The following ENTHD1 variants were observed in gnomAD, a reference collection of about 807,000 sequenced individuals.
The protein encoded by ENTHD1 is ENTH domain-containing protein 1.
In ENTHD1, 23 loss-of-function variants were observed where a neutral mutation model predicts 39.1. The observed-to-expected ratio is 0.59, with a 90% CI of 0.42 to 0.83. ENTHD1 has a LOEUF of 0.83. ENTHD1 is among the 40% of genes least tolerant of loss of function. The pLI is 0.00. For missense variants in ENTHD1, 624 were observed against 705.4 expected (o/e 0.88, Z 1.31); for synonymous variants, 230 against 258.2 (o/e 0.89, Z 1.05).
intron 5 of ENTHD1, among the ~76,000 whole-genome samples, chr22:39,804,571 T>C (rs954262905): frequency 6.6e-6 from 1 of 152,288 alleles, no homozygotes; most frequent in Middle Eastern, 3.4e-3. Context: ...ATTACCAATT[T>C]CTGATTCATC....
chr22:39,851,386 A>C (rs1264748987), intron 3 of ENTHD1, among the ~76,000 whole-genome samples: 1 of 152,108 alleles, frequency 6.6e-6, no homozygotes, highest in Non-Finnish European at 1.5e-5. Context: ...TAATCTCTTG[A>C]TAACTGGTGA....
chr22:39,755,155 T>C (rs1403385079), intron 6 of ENTHD1, among the ~76,000 whole-genome samples: 3 of 152,226 alleles, frequency 2.0e-5, no homozygotes, highest in East Asian at 1.9e-4. Flanking sequence ...GAAATATTAA[T>C]ATATTAAATA....
At chr22:39,863,828 T>C (rs528181950) in intron 2 of ENTHD1, among the ~76,000 whole-genome samples, 62 of 152,362 alleles carry the variant, frequency 4.1e-4, no homozygotes, top group Non-Finnish European at 7.6e-4. Flanking sequence ...TAGATGACAG[T>C]GGCCAACGAT....
intron 2 of ENTHD1, among the ~76,000 whole-genome samples, chr22:39,882,130 T>C (rs1243305143): frequency 6.6e-6 from 1 of 152,240 alleles, no homozygotes; most frequent in Admixed American, 6.5e-5. Flanking sequence ...GACTTCCATT[T>C]GATAAAAATT....
chr22:39,765,282 T>C lies in ENTHD1; in HGVS notation c.1160A>G (p.Gln387Arg). The C allele has an allele frequency of 6.2e-7, 1 of 1,613,770 alleles. No individual in the cohort carries two copies. The highest frequency in any genetic ancestry group is 8.5e-7 in the Non-Finnish European group (1 of 1,179,972). Residue 387 changes from glutamine to arginine, a missense_variant, in exon 6 of 7, where the codon CAG becomes CGG. Coordinates refer to ENST00000325157, the MANE Select transcript of ENTHD1 (RefSeq NM_152512.4). ...VKEIVINKAY[Q>R]KPAQSSIQMD... is the part of the protein sequence containing the mutation. ...CTGAATGCTGGATTGTGCTGGTTTC[T>C]GGTAGGCCTTGTTGATTACAATCTC...
intron 3 of ENTHD1, among the ~76,000 whole-genome samples, chr22:39,855,752 T>G (rs1462581585): frequency 2.6e-5 from 4 of 152,162 alleles, no homozygotes; most frequent in Admixed American, 2.6e-4. Flanking sequence ...ACGCTGAGTT[T>G]GGTGGAGCAA....
At chr22:39,818,985 GATAA>G (rs896729551) in intron 5 of ENTHD1, among the ~76,000 whole-genome samples, 11 of 152,122 alleles carry the variant, frequency 7.2e-5, no homozygotes, top group Non-Finnish European at 1.5e-4. Context: ...TAGGTGAATG[GATAA>G]ATAAACTGTG....
At position 39,887,890 on chromosome 22, in the gene ENTHD1, A is replaced by G; in HGVS notation, c.-142T>C. 1 of 584,098 alleles carries G rather than the reference A, an allele frequency of 1.7e-6. No homozygotes were observed. The highest frequency in any genetic ancestry group is 2.8e-6 in the Non-Finnish European group (1 of 356,620). 36.2% of individuals were successfully genotyped at this position (584,098 alleles called of 1,614,324 possible). ...ACAAATAATTAATCTCTATGTTGAT[A>G]AAGTATCAATTTCCTGCAAGGAAAG... On this transcript the variant is annotated 5_prime_UTR_variant, in exon 2 of 7. Transcript: ENST00000325157.
chr22:39,802,820 G>C (rs1409100620), intron 5 of ENTHD1, among the ~76,000 whole-genome samples: 5 of 152,160 alleles, frequency 3.3e-5, no homozygotes, highest in Non-Finnish European at 7.3e-5. Context: ...ACTTCTCAGA[G>C]GCAGAACACT....
chr22:39,793,056 T>C (rs1410888106), intron 5 of ENTHD1, among the ~76,000 whole-genome samples: 2 of 152,204 alleles, frequency 1.3e-5, no homozygotes, highest in Non-Finnish European at 2.9e-5. Flanking sequence ...ACCAATAGTA[T>C]ATGAGGATTC....
At chr22:39,822,217 G>T (rs1267930535) in intron 4 of ENTHD1, among the ~76,000 whole-genome samples, 1 of 151,440 alleles carries the variant, frequency 6.6e-6, no homozygotes, top group East Asian at 1.9e-4. Flanking sequence ...GTGAACTAGG[G>T]ATAATTTTTC....
At chr22:39,767,839 A>T (rs1219544221) in intron 5 of ENTHD1, among the ~76,000 whole-genome samples, 1 of 152,212 alleles carries the variant, frequency 6.6e-6, no homozygotes, top group Non-Finnish European at 1.5e-5. Flanking sequence ...TTTAAAATGA[A>T]ACAAATGAAC....
rs538999798 is a variant in ENTHD1, at chr22:39,771,699, A to G, written c.833-6090T>C. 9.2e-5 allele frequency among the ~76,000 whole-genome samples: 14 copies of G among 152,250 alleles called. 1 individual carries two copies. The South Asian group carries it at 2.7e-3, about 29-fold the overall frequency. ...TAGCAGAATGACACCATTTTTTTTAATGCTGAAAAAAAACTGTCAATGCAG... is the reference window on the plus strand; with the variant it reads ...TAGCAGAATGACACCATTTTTTTTAGTGCTGAAAAAAAACTGTCAATGCAG... On this transcript the variant is annotated intron_variant, in intron 5 of 6. Coordinates refer to ENST00000325157, the MANE Select transcript of ENTHD1 (RefSeq NM_152512.4).
intron 2 of ENTHD1, among the ~76,000 whole-genome samples, chr22:39,873,648 A>C (rs1360360155): frequency 1.3e-5 from 2 of 152,196 alleles, no homozygotes; most frequent in African/African-American, 2.4e-5. Flanking sequence ...ATTTTTCATA[A>C]GATGCTTTAA....
chr22:39,771,068 T>C (rs1376599300), intron 5 of ENTHD1, among the ~76,000 whole-genome samples: 3 of 152,178 alleles, frequency 2.0e-5, no homozygotes, highest in Non-Finnish European at 4.4e-5. Context: ...TCAGATTAGG[T>C]GTGCTTAAGC....
intron 4 of ENTHD1, among the ~76,000 whole-genome samples, chr22:39,831,513 G>GA (rs2146668847): frequency 6.6e-6 from 1 of 152,176 alleles, no homozygotes; most frequent in East Asian, 1.9e-4. Flanking sequence ...ATTCACTCCT[G>GA]AAAAAGTCAA....
chr22:39,844,016 G>C (rs1018150662), intron 3 of ENTHD1, among the ~76,000 whole-genome samples: 9 of 151,970 alleles, frequency 5.9e-5, no homozygotes, highest in African/African-American at 2.2e-4. Flanking sequence ...TCAAAACACA[G>C]GAGATGGAGT....
At chr22:39,744,557 G>A (rs2065088841) in intron 6 of ENTHD1, among the ~76,000 whole-genome samples, 2 of 152,000 alleles carry the variant, frequency 1.3e-5, no homozygotes, top group South Asian at 4.2e-4. Context: ...CTCAAACCCT[G>A]CCCAACATAT....
intron 5 of ENTHD1, among the ~76,000 whole-genome samples, chr22:39,794,041 G>A (rs1489146296): frequency 2.0e-5 from 3 of 152,134 alleles, no homozygotes; most frequent in African/African-American, 4.8e-5. Flanking sequence ...TCTGTAAATT[G>A]CTATGGGTGG....
Sources: allele counts gnomAD v4.1 joint callset (sites outside exome capture counted in the v4.1 genomes callset), GRCh38; gene constraint gnomAD v4.1.1; transcripts MANE v1.5; gene names NCBI Gene and HGNC (gene_info 2026-07-23, HGNC 2026-07-21).